Variants in PKD1 observed in about 807,000 individuals in gnomAD.
PKD1 encodes the protein polycystin-1.
PKD1 carries 81 observed loss-of-function variants against 361.7 expected under a neutral mutation model. That is an observed-to-expected ratio of 0.22 (90% CI 0.19 to 0.27). The LOEUF is 0.27. Among genes scored for constraint, PKD1 ranks in the 10% least tolerant of loss-of-function variants. The probability of loss-of-function intolerance (pLI) is 1.00; values close to 1 mark genes in which losing one functional copy is unlikely to be tolerated. For synonymous variants in PKD1, 3,615 were observed against 2,818.3 expected (o/e 1.28, Z -8.95); for missense variants, 6,399 against 6,118.3 (o/e 1.05, Z -1.53).
chr16:2,119,076 G>A, intron 3 of PKD1, 38 bp downstream of exon 3: 2 of 1,071,458 alleles, frequency 1.9e-6, no homozygotes, highest in Non-Finnish European at 2.8e-6. Flanking sequence ...GGGGGCCTGG[G>A]GTCCAGCCAG....
rs746144560 is a variant in PKD1 at position 2,106,820 on chromosome 16, G to A, written c.7194C>T (p.Ser2398=). The stretch of plus-strand genomic sequence containing the variant: ...CAACACTCACCCCTCGCTTGGAGCC[G>A]CTGCTGCAATTGAGGCAGCGGCCCT... ...YLEGRCLNCS[S]GSKRGRWAAR... is the part of the protein sequence containing the mutation. Residue 2398 remains serine (S), a synonymous_variant, in exon 17 of 46, where the codon AGC becomes AGT. Transcript: ENST00000262304. The surrounding 1 kb of genome is among the most constrained non-coding windows in gnomAD (Gnocchi z 6.5). 39 of 1,455,738 alleles carry A rather than the reference G, an allele frequency of 2.7e-5. No individual in the cohort carries two copies. Among genetic ancestry groups the A allele is most frequent in the African/African-American group, 4.5e-5 (3 of 66,404 alleles). 90.2% of individuals were successfully genotyped at this position (1,455,738 alleles called of 1,614,324 possible).
chr16:2,104,455 C>A, intron 22 of PKD1, 43 bp downstream of exon 22: 13 of 1,464,592 alleles, frequency 8.9e-6, no homozygotes, highest in Non-Finnish European at 1.2e-5. Flanking sequence ...GAGGAAAGGG[C>A]CGCACGGGGC....
chr16:2,132,554 A>G (rs1443077376), intron 1 of PKD1, among the ~76,000 whole-genome samples: 2 of 145,492 alleles, frequency 1.4e-5, no homozygotes, highest in Admixed American at 6.8e-5. Flanking sequence ...CGGCCTGGAG[A>G]CAAGAGCAAG....
rs1267497130 is a variant in PKD1, at chr16:2,092,752, G to GT, written c.11157-161dup. ...TCCTGGGGATGTTCTGGGGCAGACA[G>GT]TTGTCTGTCATGGGCCCGTCCTGTG... On this transcript the variant is annotated intron_variant, in intron 38 of 45. Transcript: ENST00000262304. 4.8e-6 allele frequency: 4 copies of GT among 834,190 alleles called. No individual in the cohort carries two copies. The African/African-American group carries it at 5.0e-5, about 10-fold the overall frequency. 51.7% of individuals were successfully genotyped at this position (834,190 alleles called of 1,614,324 possible).
intron 1 of PKD1, among the ~76,000 whole-genome samples, chr16:2,125,248 T>C (rs960375153): frequency 1.4e-4 from 22 of 151,794 alleles, no homozygotes; most frequent in Non-Finnish European, 3.1e-4. Flanking sequence ...AGATGGCTGC[T>C]GGCTCCGCCT....
At chr16:2,105,166 C>T (rs2092294188) in intron 21 of PKD1, among the ~76,000 whole-genome samples, 156 bp downstream of exon 21, 1 of 151,190 alleles carries the variant, frequency 6.6e-6, no homozygotes, top group African/African-American at 2.4e-5. Context: ...ACGGCTGAGG[C>T]TACTGAAGCA....
Position 2,107,887 on chromosome 16 carries a change from T to C in PKD1, c.7061A>G (p.Gln2354Arg). The C allele has an allele frequency of 6.5e-7, 1 of 1,543,980 alleles. No homozygotes were observed. The part of the protein sequence containing the change: ...KAGRKEEATN[Q>R]TVLIRSGRVP... ...CGAGGGGCGGGCGGCACCCACCGTC[T>C]GGTTGGTGGCCTCCTCCTTGCGGCC... is the stretch of plus-strand genomic sequence containing the variant. The change falls in exon 16 of 46, where the codon CAG becomes CGG. Residue 2354 changes from glutamine (Q) to arginine (R), a missense_variant. Physicochemically the swap from Gln to Arg is conservative, Grantham distance 43. Transcript: ENST00000262304.
chr16:2,127,125 T>A (rs1429160363), intron 1 of PKD1, among the ~76,000 whole-genome samples: 1 of 151,690 alleles, frequency 6.6e-6, no homozygotes, highest in Non-Finnish European at 1.5e-5. Context: ...TCCCAAAGAC[T>A]CTCGGTGCCC....
In PKD1 at chr16:2,109,933, C is replaced by T. The variant is rs777348794; in HGVS notation, c.5234G>A (p.Gly1745Asp). ...GGACCAAGTGTATACGACACCACTG[C>T]CACCAGCCAGCTCGGCACTGAGGGT... ...SVTLSAELAG[G>D]SGVVYTWSLE... Residue 1745 changes from glycine to aspartate, a missense_variant, in exon 15 of 46, where the codon GGC (glycine) becomes GAC (aspartate). Transcript: ENST00000262304. 6.2e-7 allele frequency: 1 copy of T among 1,610,452 alleles called. No homozygotes were observed. The highest frequency in any genetic ancestry group is 8.5e-7 in the Non-Finnish European group (1 of 1,179,658).
rs1445307261 is a variant in PKD1, at chr16:2,112,373, C to G, written c.3262G>C (p.Glu1088Gln). ...GCGTAGGTGTGCATGACATTGTGCT[C>G]CACCAGCACCTGGGCCACCGAGGGG... ...PDPSVAQVLV[E>Q]HNVMHTYAAP... Residue 1088 changes from glutamate (E) to glutamine (Q), a missense_variant, in exon 14 of 46, where the codon GAG becomes CAG. Transcript: ENST00000262304. 1.9e-6 allele frequency: 3 copies of G among 1,587,202 alleles called. No individual in the cohort carries two copies. The Admixed American group carries it at 5.0e-5, about 27-fold the overall frequency.
intron 11 of PKD1, chr16:2,113,630 C>T (rs2092575746): frequency 4.7e-6 from 2 of 428,344 alleles, no homozygotes; most frequent in East Asian, 4.8e-5. Flanking sequence ...ACCCAGAGAG[C>T]TCGGAGCAGT....
chr16:2,120,576 A>C (rs144756506), intron 1 of PKD1, among the ~76,000 whole-genome samples: 23 of 152,322 alleles, frequency 1.5e-4, no homozygotes, highest in Non-Finnish European at 2.9e-4. Context: ...GTAGTGTGTA[A>C]CTGTAGTTCC....
chr16:2,101,594 G>T (rs991462944), intron 26 of PKD1, among the ~76,000 whole-genome samples: 10 of 152,184 alleles, frequency 6.6e-5, no homozygotes, highest in African/African-American at 2.4e-4. Context: ...CTCCAGCCTG[G>T]GCAACAGAGT....
chr16:2,134,855 C>T lies in PKD1; in HGVS notation c.215+620G>A, dbSNP rs2092931660. On this transcript the variant is annotated intron_variant, in intron 1 of 45. Transcript: ENST00000262304. ...CCCCCACGGCAATCCCCCCTCACCC[C>T]TGTTCTCAGGATAGCCTTGGAACCC... Among the ~76,000 whole-genome samples the T allele has an allele frequency of 2.0e-5, 3 of 150,856 alleles. No homozygotes were observed. The South Asian group carries it at 6.3e-4, about 32-fold the overall frequency.
At position 2,109,313 on chromosome 16, in the gene PKD1, C is replaced by T; in HGVS notation, c.5854G>A (p.Gly1952Ser). Reference sequence around the variant, plus strand: ...TGGGCCCAGCTCACGTGGTTTTTGCCCCGCACGCTCACCACGTGGTCTCCG... The same window carrying T: ...TGGGCCCAGCTCACGTGGTTTTTGCTCCGCACGCTCACCACGTGGTCTCCG... ...RVGDHVVSVR[G>S]KNHVSWAQAQ... The change falls in exon 15 of 46, where the codon GGC becomes AGC. Residue 1952 changes from glycine to serine, a missense_variant. Coordinates refer to ENST00000262304, the MANE Select transcript of PKD1 (RefSeq NM_001009944.3). The T allele has an allele frequency of 6.3e-7, 1 of 1,586,834 alleles. No homozygotes were observed. Among genetic ancestry groups the T allele is most frequent in the Non-Finnish European group, 8.5e-7 (1 of 1,170,026 alleles).
At chr16:2,098,093 A>T (rs994388913) in intron 30 of PKD1, 109 bp from the exon 31 acceptor site, 93 of 673,758 alleles carry the variant, frequency 1.4e-4, no homozygotes, top group Non-Finnish European at 2.3e-4. Context: ...CATCTGACAG[A>T]ATGTCCTAGA....
chr16:2,112,528 G>A, intron 13 of PKD1, 55 bp from the exon 14 acceptor site: 1 of 1,508,906 alleles, frequency 6.6e-7, no homozygotes, highest in Non-Finnish European at 9.0e-7. Flanking sequence ...GGCGGTGGCG[G>A]GGCAGGGGGT....
chr16:2,135,189 C>T (rs1350290499), intron 1 of PKD1: 1 of 978,430 alleles, frequency 1.0e-6, no homozygotes, highest in Admixed American at 6.1e-5. Flanking sequence ...CAATTAGCGA[C>T]TGTTTGTCCT....
rs2092302500 is a variant in PKD1 at position 2,105,372 on chromosome 16, G to T, written c.7966C>A (p.His2656Asn). 6.3e-7 allele frequency: 1 copy of T among 1,586,742 alleles called. No homozygotes were observed. The highest frequency in any genetic ancestry group is 8.5e-7 in the Non-Finnish European group (1 of 1,172,432). ...ITETLVSLRV[H>N]TVDDIQQIAA... ...ATCTGCTGGATGTCATCCACAGTGT[G>T]GACCCTCAGGGACACCAGAGTCTCC... Residue 2656 changes from histidine (H) to asparagine (N), a missense_variant, in exon 21 of 46, where the codon CAC (histidine) becomes AAC (asparagine). Coordinates refer to ENST00000262304, the MANE Select transcript of PKD1 (RefSeq NM_001009944.3).
Sources: allele counts gnomAD v4.1 joint callset (sites outside exome capture counted in the v4.1 genomes callset), GRCh38; gene constraint gnomAD v4.1.1; non-coding constraint Gnocchi (gnomAD v3.1); transcripts MANE v1.5; gene names NCBI Gene and HGNC (gene_info 2026-07-23, HGNC 2026-07-21).